The following KIAA1217 variants were observed in gnomAD, a reference collection of about 807,000 sequenced individuals.
The protein encoded by KIAA1217 is sickle tail protein homolog.
KIAA1217 carries 88 observed loss-of-function variants against 163.9 expected under a neutral mutation model. The observed-to-expected ratio is 0.54, with a 90% CI of 0.45 to 0.64. KIAA1217 has a LOEUF of 0.64. Ranked by LOEUF, KIAA1217 falls within the 30% of genes least tolerant of loss-of-function variation. The pLI, the probability that KIAA1217 is intolerant of heterozygous loss-of-function variation, is 0.00. For missense variants in KIAA1217, 2,372 were observed against 2,475.0 expected, an observed-to-expected ratio of 0.96 and a Z score of 0.88; for synonymous variants, 903 against 923.1, an observed-to-expected ratio of 0.98 and a Z score of 0.39.
chr10:23,835,611 T>C (rs1247890535), intron 1 of KIAA1217, among the ~76,000 whole-genome samples: 2 of 152,202 alleles, frequency 1.3e-5, no homozygotes, highest in African/African-American at 4.8e-5. Context: ...TTTAGAGCAG[T>C]GAGAGTATGA....
chr10:23,806,159 G>A (rs11013715), intron 1 of KIAA1217, among the ~76,000 whole-genome samples: 28,210 of 151,834 alleles, frequency 0.19, 2,759 homozygotes, highest in Middle Eastern at 0.27. Flanking sequence ...ATTGAGGGAT[G>A]TGTGTGTGTA....
chr10:24,358,744 C>G (rs1316696452), intron 2 of KIAA1217, among the ~76,000 whole-genome samples: 14 of 152,162 alleles, frequency 9.2e-5, no homozygotes, highest in Admixed American at 9.2e-4. Flanking sequence ...GTTTGCTTTG[C>G]AATTTGTTTT....
chr10:24,048,290 C>A (rs926525712), intron 2 of KIAA1217, among the ~76,000 whole-genome samples: 7 of 152,156 alleles, frequency 4.6e-5, no homozygotes, highest in Non-Finnish European at 1.0e-4. Flanking sequence ...AGCCACTGTA[C>A]AAATGAAAAG....
intron 9 of KIAA1217, among the ~76,000 whole-genome samples, chr10:24,501,803 C>A (rs1476681778): frequency 6.5e-5 from 8 of 122,744 alleles, no homozygotes; most frequent in Non-Finnish European, 1.3e-4. Context: ...GGCTGGAGTG[C>A]AGTGGCGCGA....
intron 1 of KIAA1217, among the ~76,000 whole-genome samples, chr10:23,934,577 A>ATGTGTGTGTGTG (rs1302431868): frequency 1.6e-4 from 9 of 57,914 alleles, no homozygotes; most frequent in African/African-American, 1.1e-3. Context: ...ATATATATAT[A>ATGTGTGTGTGTG]TATATATATA....
chr10:24,436,262 T>C (rs1393620133), intron 4 of KIAA1217, among the ~76,000 whole-genome samples: 1 of 152,198 alleles, frequency 6.6e-6, no homozygotes, highest in Non-Finnish European at 1.5e-5. Context: ...TCAGTTACTT[T>C]GATTTAAATA....
At chr10:24,211,683 T>C (rs2068146266) in intron 1 of KIAA1217, among the ~76,000 whole-genome samples, 1 of 151,762 alleles carries the variant, frequency 6.6e-6, no homozygotes, top group Non-Finnish European at 1.5e-5. Context: ...TACTGGGTGC[T>C]GTATTGAGCA....
intron 1 of KIAA1217, among the ~76,000 whole-genome samples, chr10:23,778,090 C>T (rs1835086236): frequency 6.6e-6 from 1 of 152,036 alleles, no homozygotes; most frequent in African/African-American, 2.4e-5. Flanking sequence ...TATGGGTGTG[C>T]ACCACCATGT....
At chr10:24,319,325 G>GAA (rs1394771736) in intron 2 of KIAA1217, among the ~76,000 whole-genome samples, 1 of 128,174 alleles carries the variant, frequency 7.8e-6, no homozygotes, top group African/African-American at 2.9e-5. Flanking sequence ...GCAGTGAGCT[G>GAA]AAATCATGCC....
chr10:24,478,789 G>A (rs1429034426), intron 6 of KIAA1217, among the ~76,000 whole-genome samples: 2 of 152,194 alleles, frequency 1.3e-5, no homozygotes, highest in Non-Finnish European at 2.9e-5. Context: ...CTTAAGAATT[G>A]TAAAATTCTG....
chr10:23,914,425 C>T (rs1475864426), intron 1 of KIAA1217, among the ~76,000 whole-genome samples: 3 of 152,190 alleles, frequency 2.0e-5, no homozygotes, highest in Non-Finnish European at 4.4e-5. Flanking sequence ...AGCAATCCTC[C>T]CACCTCAGCC....
At chr10:24,200,883 C>T (rs1015243868) in intron 2 of KIAA1217, among the ~76,000 whole-genome samples, 2 of 152,076 alleles carry the variant, frequency 1.3e-5, no homozygotes, top group Non-Finnish European at 2.9e-5. Context: ...CCATTTTCCA[C>T]ACCAGTTTGT....
chr10:24,349,823 T>C (rs1447768710), intron 2 of KIAA1217, among the ~76,000 whole-genome samples: 1 of 152,190 alleles, frequency 6.6e-6, no homozygotes, highest in African/African-American at 2.4e-5. Flanking sequence ...GGAGTAGAGA[T>C]TGTTGGCAAG....
rs376799240 is a variant in KIAA1217, at chr10:24,438,440, G to A, written c.807G>A (p.Ala269=). The A allele has an allele frequency of 7.0e-5, 113 of 1,613,190 alleles. No homozygotes were observed. Among genetic ancestry groups the A allele is most frequent in the East Asian group, 1.6e-4 (7 of 44,868 alleles). The change falls in exon 5 of 21, where the codon GCG becomes GCA. Residue 269 remains alanine (A), a synonymous_variant. Coordinates refer to ENST00000376454, the MANE Select transcript of KIAA1217 (RefSeq NM_019590.5). The part of the protein sequence containing the change: ...LKVYNKDPAH[A]FNHTPKTMNG... The stretch of plus-strand genomic sequence containing the variant: ...TGTACAACAAGGATCCTGCACATGC[G>A]TTTAATCACACACCAAAAACTATGA...
chr10:24,484,239 A>ATG (rs1554896420), intron 6 of KIAA1217, among the ~76,000 whole-genome samples: 1 of 86,198 alleles, frequency 1.2e-5, no homozygotes. Context: ...ATATATATAT[A>ATG]TATTTTTTTT....
intron 2 of KIAA1217, among the ~76,000 whole-genome samples, chr10:24,056,145 T>G (rs1476624238): frequency 6.6e-6 from 1 of 152,040 alleles, no homozygotes; most frequent in African/African-American, 2.4e-5. Context: ...AAAAGACACA[T>G]TCACTGACAA....
chr10:24,327,162 T>C (rs1354425900), intron 2 of KIAA1217, among the ~76,000 whole-genome samples: 1 of 152,244 alleles, frequency 6.6e-6, no homozygotes. Flanking sequence ...TTATCCTTTG[T>C]TGAGAACTAG....
At chr10:24,251,465 C>G (rs2074529841) in intron 2 of KIAA1217, among the ~76,000 whole-genome samples, 1 of 150,528 alleles carries the variant, frequency 6.6e-6, no homozygotes, top group Non-Finnish European at 1.5e-5. Context: ...GAGGCCCTGG[C>G]CTGGGGTCAG....
chr10:23,730,137 G>T (rs906977989), intron 1 of KIAA1217, among the ~76,000 whole-genome samples: 1 of 151,968 alleles, frequency 6.6e-6, no homozygotes, highest in African/African-American at 2.4e-5. Context: ...TCCTGACCTC[G>T]TGATCTGCCC....
Sources: allele counts gnomAD v4.1 joint callset (sites outside exome capture counted in the v4.1 genomes callset), GRCh38; gene constraint gnomAD v4.1.1; transcripts MANE v1.5; gene names NCBI Gene and HGNC (gene_info 2026-07-23, HGNC 2026-07-21).